VAC14: variants seen among roughly 807,000 people sequenced by gnomAD.
VAC14 encodes VAC14 component of PIKFYVE complex.
Under a neutral mutation model 85.3 loss-of-function variants are expected in VAC14, and 47 were observed. That is an observed-to-expected ratio of 0.55 (90% CI 0.44 to 0.70). The LOEUF is 0.70. Among genes scored for constraint, VAC14 ranks in the 30% least tolerant of loss-of-function variants. The probability of loss-of-function intolerance (pLI) is 0.00; values close to 1 mark genes in which losing one functional copy is unlikely to be tolerated. For missense variants in VAC14, 861 were observed against 1,004.3 expected (o/e 0.86, Z 1.93); for synonymous variants, 447 against 430.5 (o/e 1.04, Z -0.47).
At chr16:70,756,933 A>G (rs1245876716) in intron 12 of VAC14, among the ~76,000 whole-genome samples, 1 of 152,074 alleles carries the variant, frequency 6.6e-6, no homozygotes, top group African/African-American at 2.4e-5. Flanking sequence ...AAACGTTACC[A>G]CTGCCATGAA....
rs1442074287 is a variant in VAC14, at chr16:70,762,117, TG to T, written c.1371+422del. On this transcript the variant is annotated intron_variant, in intron 12 of 18. Coordinates refer to ENST00000261776, the MANE Select transcript of VAC14 (RefSeq NM_018052.5). This position sits in a 1 kb window ranked among gnomAD's most constrained non-coding sequence, Gnocchi z 4.1. ...TAAAGTGAGTTTTTTTTTTTGTTTT[TG>T]TTTTTTTGAGACAGGGTCTCACTCT... 6.6e-6 allele frequency among the ~76,000 whole-genome samples: 1 copy of T among 151,990 alleles called. No individual in the cohort carries two copies. Among genetic ancestry groups the T allele is most frequent in the African/African-American group, 2.4e-5 (1 of 41,330 alleles).
intron 14 of VAC14, among the ~76,000 whole-genome samples, chr16:70,704,350 GTCT>G (rs558708453): frequency 7.5e-4 from 114 of 152,258 alleles, no homozygotes; most frequent in Middle Eastern, 3.4e-3. Context: ...GCCTGGCACT[GTCT>G]TCTTTGTCCT....
At position 70,748,942 on chromosome 16, in the gene VAC14, C is replaced by T. The variant is rs112564072; in HGVS notation, c.1372-4363G>A. Among the ~76,000 whole-genome samples, 57 of 152,060 alleles carry T rather than the reference C, an allele frequency of 3.7e-4. 1 individual carries two copies. Among genetic ancestry groups the T allele is most frequent in the African/African-American group, 1.3e-3 (55 of 41,500 alleles). On this transcript the variant is annotated intron_variant, in intron 12 of 18. Coordinates refer to ENST00000261776, the MANE Select transcript of VAC14 (RefSeq NM_018052.5). Reference sequence around the variant, plus strand: ...ATAGAGTGAGACTCTGTCTCAAAAACAAAACAAAACAAAAAAACAAAACCA... The same window carrying T: ...ATAGAGTGAGACTCTGTCTCAAAAATAAAACAAAACAAAAAAACAAAACCA...
chr16:70,773,599 A>G (rs2033357546), intron 9 of VAC14, among the ~76,000 whole-genome samples: 1 of 152,042 alleles, frequency 6.6e-6, no homozygotes, highest in African/African-American at 2.4e-5. Context: ...TTGGGGTGGG[A>G]GGTGCTATAG....
chr16:70,697,057 C>G (rs547400228), intron 16 of VAC14, 82 bp downstream of exon 16: 6 of 1,198,006 alleles, frequency 5.0e-6, no homozygotes, highest in Non-Finnish European at 7.3e-6. Context: ...CACTTGGGCC[C>G]GCCTGTTGGG....
At chr16:70,775,766 C>G (rs995735678) in intron 9 of VAC14, among the ~76,000 whole-genome samples, 9 of 152,164 alleles carry the variant, frequency 5.9e-5, no homozygotes, top group African/African-American at 9.7e-5. Context: ...TAGAAATACC[C>G]ACATTTATAG....
At chr16:70,746,963 A>T (rs977027011) in intron 12 of VAC14, 1 of 152,170 alleles carries the variant, frequency 6.6e-6, no homozygotes, top group Non-Finnish European at 1.5e-5. Flanking sequence ...GAGCTGCCAT[A>T]GGTATACTCC....
chr16:70,780,838 C>T lies in VAC14; in HGVS notation c.1048G>A (p.Glu350Lys). ...GGCAGGGCATCGTCAGGGGTGGGCT[C>T]TGCCTGCCTCTGCCCAGGTCTCAGC... ...DELRPGQRQA[E>K]PTPDDALPKQ... The change falls in exon 9 of 19, where the codon GAG becomes AAG. Residue 350 changes from glutamate to lysine, a missense_variant. By Grantham distance (56) the Glu-to-Lys change is moderately conservative (BLOSUM62 1). Coordinates refer to ENST00000261776, the MANE Select transcript of VAC14 (RefSeq NM_018052.5). The T allele has an allele frequency of 1.2e-6, 2 of 1,613,332 alleles. No individual in the cohort carries two copies. The highest frequency in any genetic ancestry group is 1.7e-6 in the Non-Finnish European group (2 of 1,179,538).
rs2033864419 is a variant in VAC14 at position 70,782,534 on chromosome 16, T to C, written c.811+499A>G. Among the ~76,000 whole-genome samples the C allele has an allele frequency of 2.0e-5, 3 of 152,236 alleles. No individual in the cohort carries two copies. In the South Asian group the frequency reaches 6.2e-4, roughly 31 times the overall value. On this transcript the variant is annotated intron_variant, in intron 7 of 18. Transcript: ENST00000261776. The stretch of plus-strand genomic sequence containing the variant: ...AACTGCCAGACATAAGTGAGGCCAC[T>C]GTGGCCCATCCACCCCAGCAACCCT...
intron 9 of VAC14, among the ~76,000 whole-genome samples, chr16:70,779,389 G>GCTTAGT (rs558182506): frequency 3.5e-4 from 53 of 152,200 alleles, no homozygotes; most frequent in Non-Finnish European, 6.5e-4. Context: ...ATCTGAGTAG[G>GCTTAGT]CTTAGTCTTC....
At chr16:70,799,458 CTTTAG>C (rs532148581) in intron 1 of VAC14, among the ~76,000 whole-genome samples, 78 of 152,316 alleles carry the variant, frequency 5.1e-4, no homozygotes, top group African/African-American at 1.9e-3. Context: ...GGTCCGAACC[CTTTAG>C]TTTAGGAGGA....
At chr16:70,689,894 G>A in intron 18 of VAC14, 23 of 985,484 alleles carry the variant, frequency 2.3e-5, no homozygotes, top group South Asian at 4.7e-5. Context: ...GGGCCACCCC[G>A]GAGCTTGCAG....
rs1365366530 is a variant in VAC14 at position 70,698,701 on chromosome 16, G to C, written c.1772C>G (p.Thr591Ser). ...GAGCTCTGTGGAGGTCAGCAGGATG[G>C]TGTTGAGGGCGTGGACCATGGTCGA... ...FASTMVHALN[T>S]ILLTSTELFQ... The change falls in exon 15 of 19, where the codon ACC (threonine) becomes AGC (serine). Residue 591 changes from threonine (T) to serine (S), a missense_variant. Physicochemically the swap from Thr to Ser is moderately conservative, Grantham distance 58. Coordinates refer to ENST00000261776, the MANE Select transcript of VAC14 (RefSeq NM_018052.5). 5 of 1,614,194 alleles carry C rather than the reference G, an allele frequency of 3.1e-6. 1 individual carries two copies. Among genetic ancestry groups the C allele is most frequent in the Non-Finnish European group, 4.2e-6 (5 of 1,180,018 alleles).
chr16:70,787,833 T>C (rs916000232), intron 1 of VAC14, among the ~76,000 whole-genome samples: 3 of 152,162 alleles, frequency 2.0e-5, no homozygotes, highest in Non-Finnish European at 4.4e-5. Flanking sequence ...TGGTGGTAAC[T>C]GGGGAATCTC....
intron 9 of VAC14, among the ~76,000 whole-genome samples, chr16:70,773,634 T>C (rs181911927): frequency 2.0e-5 from 3 of 152,326 alleles, no homozygotes; most frequent in South Asian, 2.1e-4. Flanking sequence ...CTCCTGATAC[T>C]AATTTTTTGT....
intron 9 of VAC14, among the ~76,000 whole-genome samples, chr16:70,776,300 G>A (rs1407475625): frequency 6.6e-6 from 1 of 152,088 alleles, no homozygotes. Flanking sequence ...TAGAGACAGG[G>A]TCTCTCACTT....
At position 70,692,701 on chromosome 16, in the gene VAC14, G is replaced by A. The variant is rs1045756286; in HGVS notation, c.2186+120C>T. The A allele has an allele frequency of 5.8e-6, 8 of 1,371,782 alleles. No individual in the cohort carries two copies. The South Asian group carries it at 1.0e-4, about 18-fold the overall frequency. 85.0% of individuals were successfully genotyped at this position (1,371,782 alleles called of 1,614,324 possible). A position where few individuals can be genotyped will look rare whatever the true frequency, so the allele number is the denominator to read the frequency against. On this transcript the variant is annotated intron_variant, in intron 18 of 18. Coordinates refer to ENST00000261776, the MANE Select transcript of VAC14 (RefSeq NM_018052.5). Reference sequence around the variant, plus strand: ...GGGATGGTGGTCACAGTGACAAAAGGGGTGGGATGCTGAAGTGAGGGAGGC... The same window carrying A: ...GGGATGGTGGTCACAGTGACAAAAGAGGTGGGATGCTGAAGTGAGGGAGGC...
intron 13 of VAC14, 24 bp from the exon 14 acceptor site, chr16:70,731,651 G>C: frequency 1.9e-6 from 3 of 1,610,820 alleles, no homozygotes; most frequent in African/African-American, 1.3e-5. Context: ...GATAGAGCCA[G>C]CATTTATTCT....
At chr16:70,738,630 G>A (rs2143007695) in intron 13 of VAC14, among the ~76,000 whole-genome samples, 1 of 152,338 alleles carries the variant, frequency 6.6e-6, no homozygotes, top group African/African-American at 2.4e-5. Context: ...CTGGACAAGG[G>A]AGGGCCTGGC....
Sources: gnomAD v4.1 joint callset for allele counts (sites outside exome capture counted in the v4.1 genomes callset) on GRCh38, gnomAD v4.1.1 for gene constraint, Gnocchi (gnomAD v3.1) non-coding constraint, MANE v1.5 for transcripts, NCBI Gene and HGNC (gene_info 2026-07-23, HGNC 2026-07-21) for gene names.